ERCC8: variants seen among roughly 807,000 people sequenced by gnomAD.
ERCC8 encodes ERCC excision repair 8, CSA ubiquitin ligase complex subunit, also known as DNA excision repair protein ERCC-8.
A neutral mutation model predicts 54.9 loss-of-function variants in ERCC8; 52 were observed. That is an observed-to-expected ratio of 0.95 (90% CI 0.76 to 1.19). The LOEUF is 1.19. Ranked by LOEUF, ERCC8 falls within the 50% of genes most tolerant of loss-of-function variation. ERCC8 has a pLI of 0.00. For missense variants in ERCC8, 514 were observed against 466.1 expected, an observed-to-expected ratio of 1.10 and a Z score of -0.95; for synonymous variants, 146 against 157.2, an observed-to-expected ratio of 0.93 and a Z score of 0.53.
intron 6 of ERCC8, among the ~76,000 whole-genome samples, chr5:60,902,807 C>G (rs1183293980): frequency 6.6e-6 from 1 of 151,934 alleles, no homozygotes; most frequent in Non-Finnish European, 1.5e-5. Context: ...CCATATAACT[C>G]AAGCTCAATT....
intron 1 of ERCC8, among the ~76,000 whole-genome samples, chr5:60,934,993 T>C (rs1750022833): frequency 6.6e-6 from 1 of 152,208 alleles, no homozygotes; most frequent in Non-Finnish European, 1.5e-5. Flanking sequence ...TGAAGAAGGG[T>C]AAGGTGATGC....
rs771310171 is a variant in ERCC8, at chr5:60,890,838, G to A, written c.1041+51C>T. ...ATAATTTATTCTTTTACATATAACT[G>A]GTCTGGCAAGCTAGCTAGCTGAACA... On this transcript the variant is annotated intron_variant, in intron 10 of 11. Coordinates refer to ENST00000676185, the MANE Select transcript of ERCC8 (RefSeq NM_000082.4). The A allele has an allele frequency of 3.1e-6, 4 of 1,294,822 alleles. No individual in the cohort carries two copies. In the Admixed American group the frequency reaches 5.1e-5, roughly 16 times the overall value. The allele number at this position is 1,294,822 out of a possible 1,614,324, so 80.2% of individuals were successfully genotyped here.
At chr5:60,897,870 T>C (rs949213180) in intron 9 of ERCC8, among the ~76,000 whole-genome samples, 1 of 152,226 alleles carries the variant, frequency 6.6e-6, no homozygotes, top group Non-Finnish European at 1.5e-5. Context: ...TTCCTTTGTG[T>C]GTCATGCTAG....
At chr5:60,894,659 C>A (rs765876964) in intron 9 of ERCC8, among the ~76,000 whole-genome samples, 1 of 152,056 alleles carries the variant, frequency 6.6e-6, no homozygotes. Context: ...CCAATCCTAC[C>A]GAAAATAATC....
intron 4 of ERCC8, among the ~76,000 whole-genome samples, chr5:60,912,225 C>T (rs1266128488): frequency 6.6e-6 from 1 of 152,122 alleles, no homozygotes; most frequent in Admixed American, 6.5e-5. Context: ...TATCCATAAG[C>T]ATGGAATGTT....
chr5:60,904,676 AT>A (rs1561504304), intron 5 of ERCC8, 115 bp downstream of exon 5: 18 of 186,210 alleles, frequency 9.7e-5, no homozygotes, highest in African/African-American at 1.2e-4. Flanking sequence ...ATATATATAT[AT>A]ATATATAAAA....
intron 11 of ERCC8, among the ~76,000 whole-genome samples, chr5:60,881,263 C>G (rs34192517): frequency 0.023 from 3,522 of 152,092 alleles, 74 homozygotes; most frequent in Middle Eastern, 0.031. Flanking sequence ...AGGTGTCAGT[C>G]TGCCCCTACT....
intron 2 of ERCC8, among the ~76,000 whole-genome samples, chr5:60,923,108 T>C (rs529209393): frequency 1.3e-5 from 2 of 151,730 alleles, no homozygotes; most frequent in East Asian, 1.9e-4. Context: ...AGCCTTACTT[T>C]TGGGAGTAAA....
chr5:60,939,790 C>A (rs570019144), intron 1 of ERCC8, among the ~76,000 whole-genome samples: 1 of 152,292 alleles, frequency 6.6e-6, no homozygotes, highest in African/African-American at 2.4e-5. Flanking sequence ...ATACTTCTTT[C>A]TTGTTAGTAG....
intron 1 of ERCC8, among the ~76,000 whole-genome samples, chr5:60,939,059 T>A (rs1201697064): frequency 1.3e-5 from 2 of 152,336 alleles, no homozygotes; most frequent in East Asian, 3.9e-4. Flanking sequence ...ATGGAAGAAA[T>A]CAGCCTGTTC....
intron 2 of ERCC8, among the ~76,000 whole-genome samples, chr5:60,926,056 C>T (rs1749740023): frequency 1.3e-5 from 2 of 152,086 alleles, no homozygotes; most frequent in Admixed American, 1.3e-4. Flanking sequence ...AACTCCTGAC[C>T]TCAGGTAATC....
At position 60,872,508 on chromosome 5, in the gene ERCC8, A is replaced by G. The variant is rs1056690083; in HGVS notation, c.*2107T>C. ...GAAAAGACAGTTCTCAAAAGAAGAC[A>G]TGCAAATGGCCAGCAGATATATGAA... On this transcript the variant is annotated 3_prime_UTR_variant, in exon 12 of 12. Transcript: ENST00000676185. 1.3e-5 allele frequency among the ~76,000 whole-genome samples: 2 copies of G among 152,222 alleles called. No homozygotes were observed. The highest frequency in any genetic ancestry group is 2.9e-5 in the Non-Finnish European group (2 of 68,040).
At chr5:60,909,497 C>T (rs1236432246) in intron 4 of ERCC8, among the ~76,000 whole-genome samples, 1 of 152,076 alleles carries the variant, frequency 6.6e-6, no homozygotes, top group Non-Finnish European at 1.5e-5. Context: ...AAGGTCAACT[C>T]CTCCTCCTCC....
rs1264731525 is a variant in ERCC8 at position 60,872,336 on chromosome 5, G to C, written c.*2279C>G. ...CATGAAACTAAAAAGCTTCTGCACA[G>C]CAAAGGAAACAATTAATAGGGTGAA... On this transcript the variant is annotated 3_prime_UTR_variant, in exon 12 of 12. Transcript: ENST00000676185. Among the ~76,000 whole-genome samples, 2 of 152,098 alleles carry C rather than the reference G, an allele frequency of 1.3e-5. No individual in the cohort carries two copies. Among genetic ancestry groups the C allele is most frequent in the Non-Finnish European group, 2.9e-5 (2 of 68,018 alleles).
intron 2 of ERCC8, among the ~76,000 whole-genome samples, chr5:60,925,236 A>G (rs1180712248): frequency 6.6e-6 from 1 of 152,192 alleles, no homozygotes; most frequent in Admixed American, 6.5e-5. Context: ...GTAAGATTTC[A>G]AAATATGGAA....
intron 2 of ERCC8, 73 bp downstream of exon 2, chr5:60,928,791 T>C: frequency 1.2e-6 from 1 of 832,674 alleles, no homozygotes; most frequent in East Asian, 2.4e-5. Flanking sequence ...TTCTACATCA[T>C]TAATTTGAAA....
chr5:60,881,402 T>C (rs1054511324), intron 11 of ERCC8, among the ~76,000 whole-genome samples: 2 of 152,214 alleles, frequency 1.3e-5, no homozygotes, highest in Non-Finnish European at 2.9e-5. Flanking sequence ...GACAGGGACA[T>C]TTAAGTCTGC....
At chr5:60,880,471 G>T (rs1748176293) in intron 11 of ERCC8, among the ~76,000 whole-genome samples, 1 of 152,148 alleles carries the variant, frequency 6.6e-6, no homozygotes, top group South Asian at 2.1e-4. Context: ...TTCCAACTTG[G>T]TTCCATTCTC....
intron 8 of ERCC8, among the ~76,000 whole-genome samples, chr5:60,899,367 A>C (rs947807871): frequency 1.3e-5 from 2 of 152,104 alleles, no homozygotes; most frequent in Non-Finnish European, 2.9e-5. Context: ...AAACAAAACA[A>C]GTAAAGCAAG....
Sources: gnomAD v4.1 joint callset for allele counts (sites outside exome capture counted in the v4.1 genomes callset) on GRCh38, gnomAD v4.1.1 for gene constraint, MANE v1.5 for transcripts, NCBI Gene and HGNC (gene_info 2026-07-23, HGNC 2026-07-21) for gene names.